SLIT2: variants seen among roughly 807,000 people sequenced by gnomAD.
SLIT2 encodes the protein slit homolog 2 protein.
SLIT2 carries 41 observed loss-of-function variants against 185.7 expected under a neutral mutation model. The observed-to-expected ratio is 0.22, with a 90% CI of 0.17 to 0.29. The LOEUF is 0.29. Among genes scored for constraint, SLIT2 ranks in the 10% least tolerant of loss-of-function variants. The pLI, the probability that SLIT2 is intolerant of heterozygous loss-of-function variation, is 1.00. For synonymous variants in SLIT2, 693 were observed against 680.2 expected (o/e 1.02, Z -0.29); for missense variants, 1,571 against 1,909.0 (o/e 0.82, Z 3.30).
At chr4:20,255,928 C>A (rs925569613) in intron 1 of SLIT2, among the ~76,000 whole-genome samples, 2 of 152,102 alleles carry the variant, frequency 1.3e-5, no homozygotes, top group Non-Finnish European at 2.9e-5. Context: ...GGAACCAGGG[C>A]AAGTTTAGAT....
At chr4:20,289,605 T>C (rs1048694923) in intron 4 of SLIT2, among the ~76,000 whole-genome samples, 2 of 152,218 alleles carry the variant, frequency 1.3e-5, no homozygotes, top group African/African-American at 4.8e-5. Context: ...AGAAACCCTA[T>C]GGTGCAGATG....
chr4:20,585,829 A>AT (rs1418695853), intron 29 of SLIT2, among the ~76,000 whole-genome samples: 1 of 152,094 alleles, frequency 6.6e-6, no homozygotes, highest in Admixed American at 6.6e-5. Context: ...ATTTTTTATT[A>AT]TTTTTCCACT....
At chr4:20,437,381 A>G (rs10938797) in intron 4 of SLIT2, among the ~76,000 whole-genome samples, 20,072 of 152,196 alleles carry the variant, frequency 0.13, 1,520 homozygotes, top group Admixed American at 0.23. Flanking sequence ...TTAGGAGGCC[A>G]AGGCCTGAGG....
At chr4:20,586,601 G>A (rs1398884634) in intron 29 of SLIT2, among the ~76,000 whole-genome samples, 1 of 152,158 alleles carries the variant, frequency 6.6e-6, no homozygotes. Flanking sequence ...TTAAGTGACT[G>A]CATATTTATA....
intron 26 of SLIT2, among the ~76,000 whole-genome samples, chr4:20,557,356 T>G (rs1331223544): frequency 6.6e-6 from 1 of 152,012 alleles, no homozygotes; most frequent in African/African-American, 2.4e-5. Context: ...GCTAAGAAGT[T>G]GAAGCCAATG....
At chr4:20,429,589 T>G (rs1728818041) in intron 4 of SLIT2, among the ~76,000 whole-genome samples, 1 of 152,034 alleles carries the variant, frequency 6.6e-6, no homozygotes, top group Admixed American at 6.6e-5. Flanking sequence ...TAACAGGAAG[T>G]AAATAAAAGA....
At chr4:20,573,267 T>A (rs1725772865) in intron 29 of SLIT2, 3 of 703,002 alleles carry the variant, frequency 4.3e-6, no homozygotes, top group Non-Finnish European at 7.8e-6. Flanking sequence ...AAAGGTTAGT[T>A]GCCTTTTAAG....
At chr4:20,574,821 A>G (rs991677470) in intron 29 of SLIT2, among the ~76,000 whole-genome samples, 3 of 150,270 alleles carry the variant, frequency 2.0e-5, no homozygotes, top group Non-Finnish European at 4.4e-5. Flanking sequence ...AGGTTATTAT[A>G]TAGCAGGTCT....
chr4:20,597,870 T>G (rs1314814964), intron 32 of SLIT2, among the ~76,000 whole-genome samples: 1 of 152,224 alleles, frequency 6.6e-6, no homozygotes, highest in African/African-American at 2.4e-5. Context: ...ACACATGGCA[T>G]AACTGTGAAG....
chr4:20,338,960 G>A (rs1720736466), intron 4 of SLIT2, among the ~76,000 whole-genome samples: 2 of 151,766 alleles, frequency 1.3e-5, no homozygotes, highest in African/African-American at 4.8e-5. Flanking sequence ...AGGCATGGTG[G>A]CGTGTGCCTG....
chr4:20,315,273 A>G (rs939444467), intron 4 of SLIT2, among the ~76,000 whole-genome samples: 2 of 152,166 alleles, frequency 1.3e-5, no homozygotes, highest in African/African-American at 4.8e-5. Flanking sequence ...TGTGAGAACA[A>G]GGACTGCAAA....
chr4:20,411,377 A>G (rs1236482217), intron 4 of SLIT2, among the ~76,000 whole-genome samples: 3 of 152,182 alleles, frequency 2.0e-5, no homozygotes, highest in Non-Finnish European at 4.4e-5. Flanking sequence ...TTCCCAGTAT[A>G]TAGATGAGGA....
intron 4 of SLIT2, among the ~76,000 whole-genome samples, chr4:20,420,198 T>C (rs1304321526): frequency 6.6e-6 from 1 of 152,136 alleles, no homozygotes; most frequent in Non-Finnish European, 1.5e-5. Context: ...TTTTTAGCAA[T>C]AGGTTTTGGT....
At chr4:20,358,370 A>G (rs997709126) in intron 4 of SLIT2, among the ~76,000 whole-genome samples, 1 of 152,152 alleles carries the variant, frequency 6.6e-6, no homozygotes, top group African/African-American at 2.4e-5. Context: ...TTTTAACGCA[A>G]ACTAATTAAT....
At chr4:20,388,077 A>G (rs1725074724) in intron 4 of SLIT2, among the ~76,000 whole-genome samples, 1 of 152,196 alleles carries the variant, frequency 6.6e-6, no homozygotes, top group Admixed American at 6.5e-5. Flanking sequence ...AAGTGAAGGG[A>G]ATTTCCAAAA....
At chr4:20,380,512 G>C (rs1290516462) in intron 4 of SLIT2, among the ~76,000 whole-genome samples, 1 of 152,040 alleles carries the variant, frequency 6.6e-6, no homozygotes, top group Admixed American at 6.6e-5. Flanking sequence ...TGATAATTAG[G>C]TATTGTAATT....
At chr4:20,503,285 A>G (rs973578380) in intron 9 of SLIT2, among the ~76,000 whole-genome samples, 3 of 152,178 alleles carry the variant, frequency 2.0e-5, no homozygotes, top group African/African-American at 7.2e-5. Context: ...GAGAATAATG[A>G]GAACTACTGT....
At chr4:20,429,565 C>T (rs551168525) in intron 4 of SLIT2, among the ~76,000 whole-genome samples, 19 of 152,180 alleles carry the variant, frequency 1.2e-4, no homozygotes, top group African/African-American at 4.3e-4. Context: ...GAGATCATTT[C>T]AGATAACAGG....
intron 4 of SLIT2, among the ~76,000 whole-genome samples, chr4:20,422,255 G>A (rs914803588): frequency 3.9e-5 from 6 of 152,142 alleles, no homozygotes; most frequent in African/African-American, 1.2e-4. Context: ...TTTTAGTAGA[G>A]AAGTCAAGAT....
Sources: allele counts gnomAD v4.1 joint callset (sites outside exome capture counted in the v4.1 genomes callset), GRCh38; gene constraint gnomAD v4.1.1; transcripts MANE v1.5; gene names NCBI Gene and HGNC (gene_info 2026-07-23, HGNC 2026-07-21).